The following TENM3 variants were observed in gnomAD, a reference collection of about 807,000 sequenced individuals.
TENM3 encodes teneurin-3.
A neutral mutation model predicts 255.1 loss-of-function variants in TENM3; 63 were observed. The observed-to-expected ratio is 0.25, with a 90% CI of 0.20 to 0.30. The LOEUF (loss-of-function observed/expected upper bound fraction) is 0.30, where lower values mean the gene tolerates loss of function less well. Among genes scored for constraint, TENM3 ranks in the 10% least tolerant of loss-of-function variants. The pLI, the probability that TENM3 is intolerant of heterozygous loss-of-function variation, is 1.00. For synonymous variants in TENM3, 1,306 were observed against 1,322.3 expected (o/e 0.99, Z 0.27); for missense variants, 2,929 against 3,461.1 (o/e 0.85, Z 3.86).
chr4:182,785,860 C>T (rs1399483469), intron 24 of TENM3, among the ~76,000 whole-genome samples: 2 of 151,720 alleles, frequency 1.3e-5, no homozygotes, highest in Non-Finnish European at 2.9e-5. Flanking sequence ...CGCAGGTGCC[C>T]CTTGTCTGTT....
At chr4:181,961,867 G>A in the TENM3 span, among the ~76,000 whole-genome samples, 1 of 152,226 alleles carries the variant, frequency 6.6e-6, no homozygotes, top group East Asian at 1.9e-4. Context: ...CTGCTGCTAA[G>A]TTTTACTTTC....
chr4:181,745,743 G>C, the TENM3 span, among the ~76,000 whole-genome samples: 2 of 152,126 alleles, frequency 1.3e-5, no homozygotes, highest in Non-Finnish European at 2.9e-5. Flanking sequence ...GAGAAGCTCT[G>C]AGGATACAGA....
At chr4:181,486,906 C>A in the TENM3 span, among the ~76,000 whole-genome samples, 1 of 152,066 alleles carries the variant, frequency 6.6e-6, no homozygotes, top group Non-Finnish European at 1.5e-5. Flanking sequence ...ATATAATCTT[C>A]TAATAGAAAG....
chr4:181,951,569 C>G, the TENM3 span, among the ~76,000 whole-genome samples: 1 of 152,232 alleles, frequency 6.6e-6, no homozygotes, highest in African/African-American at 2.4e-5. Context: ...ATCCACACTT[C>G]AGGATCATGG....
chr4:181,926,162 C>T, the TENM3 span, among the ~76,000 whole-genome samples: 1 of 152,116 alleles, frequency 6.6e-6, no homozygotes, highest in Non-Finnish European at 1.5e-5. Flanking sequence ...CCTGAAATTT[C>T]TATTATTAGA....
At chr4:182,735,327 A>T (rs1761080958) in intron 16 of TENM3, among the ~76,000 whole-genome samples, 1 of 151,070 alleles carries the variant, frequency 6.6e-6, no homozygotes, top group Non-Finnish European at 1.5e-5. Flanking sequence ...GCCAACACTG[A>T]CTGACAGGCC....
intron 13 of TENM3, among the ~76,000 whole-genome samples, chr4:182,727,580 A>G (rs1215761953): frequency 2.0e-5 from 3 of 152,224 alleles, no homozygotes; most frequent in Admixed American, 1.3e-4. Context: ...TAGCTTTTAA[A>G]CAGGATACTT....
the TENM3 span, among the ~76,000 whole-genome samples, chr4:181,787,360 A>T: frequency 2.8e-5 from 4 of 144,536 alleles, no homozygotes; most frequent in Admixed American, 2.8e-4. Context: ...TTTTTTTGAG[A>T]CGGAGTCTCA....
chr4:182,073,686 C>T, the TENM3 span, among the ~76,000 whole-genome samples: 25 of 152,086 alleles, frequency 1.6e-4, no homozygotes, highest in South Asian at 6.2e-4. Context: ...TTAGTCTGTC[C>T]GAAGTCAAAA....
the TENM3 span, among the ~76,000 whole-genome samples, chr4:181,474,522 T>G: frequency 6.6e-6 from 1 of 151,570 alleles, no homozygotes; most frequent in Non-Finnish European, 1.5e-5. Flanking sequence ...AATCATGGGG[T>G]CAGGAGTTTG....
chr4:182,662,978 C>T (rs1166024553), intron 6 of TENM3, among the ~76,000 whole-genome samples: 2 of 152,184 alleles, frequency 1.3e-5, no homozygotes, highest in African/African-American at 4.8e-5. Flanking sequence ...AAACTAGAGG[C>T]TTAAACAGGA....
At chr4:181,596,100 C>T in the TENM3 span, among the ~76,000 whole-genome samples, 6 of 152,266 alleles carry the variant, frequency 3.9e-5, no homozygotes, top group East Asian at 5.8e-4. Flanking sequence ...ATCCACAACA[C>T]GCAGAACAGT....
chr4:182,112,518 C>A, the TENM3 span, among the ~76,000 whole-genome samples: 1 of 152,162 alleles, frequency 6.6e-6, no homozygotes, highest in East Asian at 1.9e-4. Context: ...AGAAAGTAAT[C>A]AATGACTATT....
the TENM3 span, among the ~76,000 whole-genome samples, chr4:181,820,770 C>G: frequency 6.6e-6 from 1 of 152,168 alleles, no homozygotes; most frequent in African/African-American, 2.4e-5. Flanking sequence ...TACCCTCCCC[C>G]ACACTGGTTT....
At position 182,286,779 on chromosome 4, in the gene TENM3, C is replaced by T. The variant is rs143269877; in HGVS notation, c.-75-37167C>T. Among the ~76,000 whole-genome samples the T allele has an allele frequency of 6.6e-5, 10 of 152,282 alleles. No homozygotes were observed. The East Asian group carries it at 1.7e-3, about 26-fold the overall frequency. On this transcript the variant is annotated intron_variant, in intron 1 of 27. Coordinates refer to ENST00000511685, the MANE Select transcript of TENM3 (RefSeq NM_001080477.4). ...CTCTCACCAGGACTATTACCGAAGA[C>T]TCTGAAATGGTCTCTGTACTTGCAG...
chr4:181,567,757 A>T, the TENM3 span, among the ~76,000 whole-genome samples: 1 of 152,190 alleles, frequency 6.6e-6, no homozygotes, highest in African/African-American at 2.4e-5. Flanking sequence ...TATGTTGTGT[A>T]TGTGTGTGAC....
the TENM3 span, among the ~76,000 whole-genome samples, chr4:181,760,969 T>TACACACAC: frequency 0.011 from 573 of 50,600 alleles, 8 homozygotes; most frequent in African/African-American, 0.033. Context: ...ACCACACACA[T>TACACACAC]ACACACACAC....
the TENM3 span, among the ~76,000 whole-genome samples, chr4:181,847,708 G>T: frequency 5.9e-5 from 9 of 151,624 alleles, no homozygotes; most frequent in African/African-American, 2.2e-4. Context: ...TAAATTATAT[G>T]TATTTTGGCA....
At chr4:182,289,209 G>A (rs754995833) in intron 1 of TENM3, among the ~76,000 whole-genome samples, 62 of 152,372 alleles carry the variant, frequency 4.1e-4, no homozygotes, top group Non-Finnish European at 5.0e-4. Flanking sequence ...CAGCCTGGGC[G>A]AGGGTGAGAT....
Sources: gnomAD v4.1 joint callset for allele counts (sites outside exome capture counted in the v4.1 genomes callset) on GRCh38, gnomAD v4.1.1 for gene constraint, MANE v1.5 for transcripts, NCBI Gene and HGNC (gene_info 2026-07-23, HGNC 2026-07-21) for gene names.